RABGAP1: variants seen among roughly 807,000 people sequenced by gnomAD.
RABGAP1 encodes the protein rab GTPase-activating protein 1.
A neutral mutation model predicts 137.6 loss-of-function variants in RABGAP1; 23 were observed. The observed-to-expected ratio is 0.17, with a 90% CI of 0.12 to 0.24. The LOEUF is 0.24. Ranked by LOEUF, RABGAP1 falls within the 10% of genes least tolerant of loss-of-function variation. The pLI is 1.00. For missense variants in RABGAP1, 906 were observed against 1,275.8 expected, an observed-to-expected ratio of 0.71 and a Z score of 4.42; for synonymous variants, 451 against 450.7, an observed-to-expected ratio of 1.00 and a Z score of -0.01.
intron 24 of RABGAP1, among the ~76,000 whole-genome samples, chr9:123,101,264 C>T (rs2035337029): frequency 6.6e-6 from 1 of 152,070 alleles, no homozygotes; most frequent in Non-Finnish European, 1.5e-5. Context: ...TGCCTGTCTC[C>T]AGTTCTACAG....
intron 1 of RABGAP1, among the ~76,000 whole-genome samples, chr9:122,953,436 T>C (rs566648187): frequency 6.6e-6 from 1 of 151,560 alleles, no homozygotes; most frequent in Non-Finnish European, 1.5e-5. Context: ...AGAGTCTTGC[T>C]CTGTTGCCAG....
chr9:123,001,030 A>T (rs1054251407), intron 10 of RABGAP1, among the ~76,000 whole-genome samples: 3 of 151,778 alleles, frequency 2.0e-5, no homozygotes, highest in African/African-American at 7.3e-5. Context: ...TTTTTTATTT[A>T]GTAGAGATCG....
At chr9:122,953,152 A>G (rs1469358538) in intron 1 of RABGAP1, among the ~76,000 whole-genome samples, 1 of 152,238 alleles carries the variant, frequency 6.6e-6, no homozygotes, top group East Asian at 1.9e-4. Context: ...CAAGAAGTAG[A>G]GATAGTATAA....
chr9:123,030,364 T>A (rs1395934558), intron 13 of RABGAP1, among the ~76,000 whole-genome samples: 1 of 152,114 alleles, frequency 6.6e-6, no homozygotes, highest in Non-Finnish European at 1.5e-5. Context: ...AATTGGAAAA[T>A]TCAGAAAATA....
chr9:123,099,455 T>C (rs767602372), intron 23 of RABGAP1, 23 bp from the exon 24 acceptor site: 5 of 1,577,534 alleles, frequency 3.2e-6, no homozygotes, highest in Non-Finnish European at 3.5e-6. Context: ...CAAGAGATTG[T>C]TGTTTTATAT....
intron 13 of RABGAP1, among the ~76,000 whole-genome samples, chr9:123,032,681 T>C (rs781294362): frequency 1.5e-4 from 23 of 152,362 alleles, no homozygotes; most frequent in Admixed American, 3.3e-4. Flanking sequence ...TCTTTTATTC[T>C]GCTGGATACT....
At chr9:122,982,782 T>A (rs1054889528) in intron 2 of RABGAP1, among the ~76,000 whole-genome samples, 3 of 152,130 alleles carry the variant, frequency 2.0e-5, no homozygotes, top group Non-Finnish European at 4.4e-5. Context: ...CTGCCTGTAG[T>A]CACAGTTCCT....
In RABGAP1 at chr9:122,974,067, T is replaced by C. The variant is rs147713565; in HGVS notation, c.151-10418T>C. ...TCTTGTCCTCTGTAATGCAGATCTT[T>C]TATTCAGCAAAGTTACTGAACATGA... On this transcript the variant is annotated intron_variant, in intron 2 of 25. Coordinates refer to ENST00000373647, the MANE Select transcript of RABGAP1 (RefSeq NM_012197.4). Among the ~76,000 whole-genome samples, 36 of 152,212 alleles carry C rather than the reference T, an allele frequency of 2.4e-4. No homozygotes were observed. In the East Asian group the frequency reaches 6.7e-3, roughly 29 times the overall value.
intron 19 of RABGAP1, among the ~76,000 whole-genome samples, chr9:123,083,269 A>C (rs2132186314): frequency 6.6e-6 from 1 of 152,244 alleles, no homozygotes; most frequent in East Asian, 1.9e-4. Flanking sequence ...TGATGTTAGT[A>C]ATGTAATCTC....
chr9:123,053,507 A>G (rs1354726774), intron 13 of RABGAP1, among the ~76,000 whole-genome samples: 4 of 152,152 alleles, frequency 2.6e-5, no homozygotes, highest in Non-Finnish European at 5.9e-5. Context: ...GGGGATTTTA[A>G]AAACTTAGTC....
chr9:122,962,285 G>C (rs1302932006), intron 2 of RABGAP1, among the ~76,000 whole-genome samples: 1 of 151,506 alleles, frequency 6.6e-6, no homozygotes, highest in African/African-American at 2.4e-5. Flanking sequence ...GAGGTGGGTG[G>C]TTTGCTTGAG....
chr9:123,053,058 T>A (rs2033555411), intron 13 of RABGAP1, among the ~76,000 whole-genome samples: 1 of 152,264 alleles, frequency 6.6e-6, no homozygotes, highest in African/African-American at 2.4e-5. Context: ...TCATTTTATT[T>A]TGTCATAATT....
At chr9:123,019,874 G>A (rs927444092) in intron 12 of RABGAP1, among the ~76,000 whole-genome samples, 2 of 151,888 alleles carry the variant, frequency 1.3e-5, no homozygotes, top group Non-Finnish European at 2.9e-5. Flanking sequence ...TATTTAGATG[G>A]GGTTTCACCA....
intron 13 of RABGAP1, among the ~76,000 whole-genome samples, chr9:123,052,405 T>C (rs2033522098): frequency 6.6e-6 from 1 of 152,222 alleles, no homozygotes; most frequent in Non-Finnish European, 1.5e-5. Flanking sequence ...ATAGAAAATT[T>C]CTTTTAGATC....
chr9:123,089,139 G>A (rs1471117494), intron 19 of RABGAP1, among the ~76,000 whole-genome samples: 1 of 152,296 alleles, frequency 6.6e-6, no homozygotes, highest in East Asian at 1.9e-4. Flanking sequence ...CAGCACAGCT[G>A]TGTTTTTAAG....
chr9:122,981,839 A>C (rs1268263707), intron 2 of RABGAP1, among the ~76,000 whole-genome samples: 2 of 152,244 alleles, frequency 1.3e-5, no homozygotes, highest in Non-Finnish European at 2.9e-5. Context: ...ACTTGAGGTC[A>C]GGAGTTCAAG....
chr9:123,030,153 G>T (rs974570036), intron 13 of RABGAP1, among the ~76,000 whole-genome samples: 8 of 152,150 alleles, frequency 5.3e-5, no homozygotes, highest in Non-Finnish European at 1.5e-5. Flanking sequence ...CGGTAAGTTC[G>T]TAATTATATT....
chr9:122,996,050 C>G lies in RABGAP1; in HGVS notation c.933C>G (p.Pro311=). The part of the protein sequence containing the change: ...DDGKGYFSAV[P]KDKDRQCFKL... The stretch of plus-strand genomic sequence containing the variant: ...ACATGTTGGTCTACAGTGCAGTTCC[C>G]AAAGATAAGGACAGACAGTGCTTTA... The change falls in exon 7 of 26, where the codon CCC becomes CCG. Residue 311 remains proline, a synonymous_variant. Coordinates refer to ENST00000373647, the MANE Select transcript of RABGAP1 (RefSeq NM_012197.4). 1 of 1,603,560 alleles carries G rather than the reference C, an allele frequency of 6.2e-7. No individual in the cohort carries two copies. The highest frequency in any genetic ancestry group is 1.1e-5 in the South Asian group (1 of 88,812).
intron 9 of RABGAP1, 55 bp downstream of exon 9, chr9:122,997,416 A>G (rs1336012341): frequency 7.7e-7 from 1 of 1,293,338 alleles, no homozygotes; most frequent in Non-Finnish European, 1.1e-6. Flanking sequence ...GAAGAGATGC[A>G]AAACTAAGGA....
Sources: allele counts gnomAD v4.1 joint callset (sites outside exome capture counted in the v4.1 genomes callset), GRCh38; gene constraint gnomAD v4.1.1; transcripts MANE v1.5; gene names NCBI Gene and HGNC (gene_info 2026-07-23, HGNC 2026-07-21).